Variants in MRPS10 observed in about 807,000 individuals in gnomAD.
MRPS10 encodes the protein small ribosomal subunit protein uS10m.
MRPS10 carries 23 observed loss-of-function variants against 27.5 expected under a neutral mutation model. The observed-to-expected ratio is 0.84, with a 90% confidence interval of 0.60 to 1.18. The LOEUF (loss-of-function observed/expected upper bound fraction) is 1.18, where lower values mean the gene tolerates loss of function less well. MRPS10 is among the 50% of genes most tolerant of loss of function. The probability of loss-of-function intolerance (pLI) is 0.00; values close to 1 mark genes in which losing one functional copy is unlikely to be tolerated. For missense variants in MRPS10, 237 were observed against 240.1 expected, an observed-to-expected ratio of 0.99 and a Z score of 0.09; for synonymous variants, 88 against 84.2, an observed-to-expected ratio of 1.04 and a Z score of -0.25.
Position 42,211,483 on chromosome 6 carries a change from C to T in MRPS10, c.323+298G>A, listed in dbSNP as rs375395392. ...TTTGCCTGAGCTCAGGAGTTCGAGA[C>T]CAGCCTGGGCAACACAGTGAAACCC... On this transcript the variant is annotated intron_variant, in intron 4 of 6. Transcript: ENST00000053468. Among the ~76,000 whole-genome samples, 7 of 152,214 alleles carry T rather than the reference C, an allele frequency of 4.6e-5. No homozygotes were observed. In the East Asian group the frequency reaches 7.7e-4, roughly 17 times the overall value.
At chr6:42,216,385 A>AGAGAGAGAGAGAGTGTGTGTGTGTGTGT in intron 1 of MRPS10, among the ~76,000 whole-genome samples, 22 of 58,678 alleles carry the variant, frequency 3.7e-4, no homozygotes, top group East Asian at 1.2e-3. Context: ...AGAGAGAGAG[A>AGAGAGAGAGAGAGTGTGTGTGTGTGTGT]GTGTGTGTGT....
chr6:42,217,717 C>T, intron 1 of MRPS10, 85 bp downstream of exon 1: 1 of 1,447,348 alleles, frequency 6.9e-7, no homozygotes, highest in Admixed American at 1.8e-5. Flanking sequence ...AGGAAAAATC[C>T]TGATGGGCAG....
chr6:42,212,277 T>C (rs1000225370), intron 3 of MRPS10, among the ~76,000 whole-genome samples: 3 of 152,240 alleles, frequency 2.0e-5, no homozygotes, highest in Non-Finnish European at 4.4e-5. Context: ...GATTAAGCTC[T>C]GCTAATGGTA....
chr6:42,214,837 G>A (rs1409209495), intron 1 of MRPS10, among the ~76,000 whole-genome samples: 1 of 152,104 alleles, frequency 6.6e-6, no homozygotes, highest in African/African-American at 2.4e-5. Flanking sequence ...TAGCTTGGCT[G>A]GGATAACTAG....
In MRPS10 at chr6:42,211,870, A is replaced by C. The variant is rs1265377305; in HGVS notation, c.234T>G (p.Val78=). ...CAGCCTTATCGTGACCTTTCACCAAAACCGAGAGGCGCTTATATAATATGT... is the reference window on the plus strand; with the variant it reads ...CAGCCTTATCGTGACCTTTCACCAACACCGAGAGGCGCTTATATAATATGT... The part of the protein sequence containing the change: ...EPDILYKRLS[V]LVKGHDKAVL... The change falls in exon 4 of 7, where the codon GTT becomes GTG. Residue 78 remains valine, a synonymous_variant. Coordinates refer to ENST00000053468, the MANE Select transcript of MRPS10 (RefSeq NM_018141.4). 2 of 1,613,898 alleles carry C rather than the reference A, an allele frequency of 1.2e-6. No homozygotes were observed. The highest frequency in any genetic ancestry group is 2.7e-5 in the African/African-American group (2 of 74,904).
At chr6:42,216,587 G>A (rs1348232163) in intron 1 of MRPS10, among the ~76,000 whole-genome samples, 3 of 151,490 alleles carry the variant, frequency 2.0e-5, no homozygotes, top group Admixed American at 2.0e-4. Context: ...GAGGCTGCCG[G>A]ATCACTTGAG....
intron 1 of MRPS10, among the ~76,000 whole-genome samples, chr6:42,216,005 CTTTTCTTTTTT>C (rs1471501651): frequency 7.8e-5 from 11 of 141,370 alleles, no homozygotes; most frequent in Non-Finnish European, 1.7e-4. Context: ...TCTGCTTTTT[CTTTTCTTTTTT>C]TTTTCTTTTC....
chr6:42,208,336 G>A lies in MRPS10; in HGVS notation c.559C>T (p.Pro187Ser), dbSNP rs149751323. The A allele has an allele frequency of 1.2e-3, 1,924 of 1,611,878 alleles. No homozygotes were observed. Among genetic ancestry groups the A allele is most frequent in the Non-Finnish European group, 1.5e-3 (1,752 of 1,178,794 alleles). ...LEQLPEHIKE[P>S]IWETLSEEKE... ...TCTTCTGATAGTGTTTCCCAGATTG[G>A]CTCCTTGATGTGTTCTGGTAACTGT... The change falls in exon 7 of 7, where the codon CCA becomes TCA. Residue 187 changes from proline (P) to serine (S), a missense_variant. Pro to Ser is a moderately conservative substitution (Grantham distance 74, BLOSUM62 -1). Around this residue, in one of 3 missense-constraint regions of MRPS10, gnomAD observed 62 missense variants for 68.2 expected, o/e 0.91. Coordinates refer to ENST00000053468, the MANE Select transcript of MRPS10 (RefSeq NM_018141.4).
Position 42,208,963 on chromosome 6 carries a change from T to A in MRPS10, c.433-16A>T. 1.9e-6 allele frequency: 3 copies of A among 1,541,598 alleles called. No homozygotes were observed. The highest frequency in any genetic ancestry group is 2.7e-6 in the Non-Finnish European group (3 of 1,123,510). On this transcript the variant is annotated splice_polypyrimidine_tract_variant and intron_variant, in intron 5 of 6. Transcript: ENST00000053468. ...GATGTTCTAACTAAAACATCAAACA[T>A]GAAAATGTTTCATGTAAGCTGTTTG... is the stretch of plus-strand genomic sequence containing the variant.
chr6:42,209,464 C>T lies in MRPS10; in HGVS notation c.433-517G>A, dbSNP rs369852035. Among the ~76,000 whole-genome samples, 6 of 152,178 alleles carry T rather than the reference C, an allele frequency of 3.9e-5. No homozygotes were observed. In the East Asian group the frequency reaches 9.7e-4, roughly 25 times the overall value. ...GGGTTTTTCTTTTTAAGAGTAGGGA[C>T]TGCGCAGGCACAGTGGCTCACACCT... On this transcript the variant is annotated intron_variant, in intron 5 of 6. Transcript: ENST00000053468.
At chr6:42,213,266 T>C (rs1288625594) in intron 3 of MRPS10, among the ~76,000 whole-genome samples, 2 of 152,080 alleles carry the variant, frequency 1.3e-5, no homozygotes, top group African/African-American at 2.4e-5. Flanking sequence ...CTGGCCAACA[T>C]GGGAAAACCC....
rs1768784844 is a variant in MRPS10, at chr6:42,211,793, ATACCAAGTTCTT to A, written c.299_310del (p.Lys100_Gly103del). On this transcript the variant is annotated inframe_deletion, in exon 4 of 7. Transcript: ENST00000053468. ...AGGCCATACTCACACTTTAATAGAG[ATACCAAGTTCTT>A]TAGCAGCAAGCACAGCAAAATATTC... 4 of 1,613,690 alleles carry A rather than the reference ATACCAAGTTCTT, an allele frequency of 2.5e-6. No individual in the cohort carries two copies. Among genetic ancestry groups the A allele is most frequent in the Non-Finnish European group, 3.4e-6 (4 of 1,179,864 alleles).
At chr6:42,214,033 G>T in intron 3 of MRPS10, 87 bp downstream of exon 3, 1 of 1,138,506 alleles carries the variant, frequency 8.8e-7, no homozygotes, top group Non-Finnish European at 1.3e-6. Context: ...TATTCATAGA[G>T]TGTTTGGGGA....
intron 1 of MRPS10, 45 bp from the exon 2 acceptor site, chr6:42,214,389 T>A: frequency 7.2e-7 from 1 of 1,393,542 alleles, no homozygotes; most frequent in Non-Finnish European, 1.0e-6. Context: ...TAAAGTCAAC[T>A]ACCAAACCAT....
At chr6:42,213,127 T>C (rs761220627) in intron 3 of MRPS10, among the ~76,000 whole-genome samples, 20 of 152,202 alleles carry the variant, frequency 1.3e-4, no homozygotes, top group Non-Finnish European at 2.6e-4. Flanking sequence ...AGTTGCAGAC[T>C]GGGGCTTAAA....
intron 1 of MRPS10, among the ~76,000 whole-genome samples, chr6:42,215,187 C>T (rs191224305): frequency 6.6e-6 from 1 of 151,492 alleles, no homozygotes; most frequent in East Asian, 1.9e-4. Flanking sequence ...TCAGGAGTTC[C>T]AGAGCAGCCT....
At chr6:42,209,842 A>T (rs1768726547) in intron 5 of MRPS10, among the ~76,000 whole-genome samples, 1 of 152,044 alleles carries the variant, frequency 6.6e-6, no homozygotes, top group African/African-American at 2.4e-5. Context: ...TCCCATATAA[A>T]AGATACATAA....
intron 1 of MRPS10, among the ~76,000 whole-genome samples, chr6:42,217,438 T>G (rs1027361272): frequency 6.6e-6 from 1 of 152,204 alleles, no homozygotes; most frequent in Non-Finnish European, 1.5e-5. Context: ...GGGAAGAGTC[T>G]GATATCTTGC....
At chr6:42,214,508 A>AGCT (rs1768867682) in intron 1 of MRPS10, among the ~76,000 whole-genome samples, 164 bp from the exon 2 acceptor site, 2 of 152,028 alleles carry the variant, frequency 1.3e-5, no homozygotes, top group Non-Finnish European at 2.9e-5. Context: ...ACAATGGTAG[A>AGCT]GCTGATGATA....
Sources: allele counts gnomAD v4.1 joint callset (sites outside exome capture counted in the v4.1 genomes callset), GRCh38; gene constraint gnomAD v4.1.1; regional missense constraint gnomAD v4.1.1; transcripts MANE v1.5; gene names NCBI Gene and HGNC (gene_info 2026-07-23, HGNC 2026-07-21).